The following EXT1 variants were observed in gnomAD, a reference collection of about 807,000 sequenced individuals.
EXT1 encodes exostosin-1.
A neutral mutation model predicts 82.5 loss-of-function variants in EXT1; 20 were observed. That is an observed-to-expected ratio of 0.24 (90% CI 0.17 to 0.35). The LOEUF is 0.35. Ranked by LOEUF, EXT1 falls within the 10% of genes least tolerant of loss-of-function variation. The probability of loss-of-function intolerance (pLI) is 1.00; values close to 1 mark genes in which losing one functional copy is unlikely to be tolerated. For synonymous variants in EXT1, 348 were observed against 350.8 expected, an observed-to-expected ratio of 0.99 and a Z score of 0.09; for missense variants, 757 against 936.5, an observed-to-expected ratio of 0.81 and a Z score of 2.50.
chr8:117,929,505 T>C (rs1002946836), intron 1 of EXT1, among the ~76,000 whole-genome samples: 2 of 152,014 alleles, frequency 1.3e-5, no homozygotes, highest in African/African-American at 4.8e-5. Context: ...AGACATGGAG[T>C]AGGAACTTAA....
At chr8:117,894,225 G>T (rs1203130722) in intron 1 of EXT1, among the ~76,000 whole-genome samples, 1 of 151,860 alleles carries the variant, frequency 6.6e-6, no homozygotes, top group Admixed American at 6.6e-5. Context: ...TTGTTGTTGA[G>T]ATGAGGTCTC....
At chr8:117,961,167 TTCTC>T (rs1179077458) in intron 1 of EXT1, among the ~76,000 whole-genome samples, 4 of 152,220 alleles carry the variant, frequency 2.6e-5, no homozygotes, top group South Asian at 4.2e-4. Context: ...CCTTCTGTCT[TTCTC>T]TCTCTTTCTT....
At chr8:117,919,206 G>A (rs62522270) in intron 1 of EXT1, among the ~76,000 whole-genome samples, 2 of 150,524 alleles carry the variant, frequency 1.3e-5, no homozygotes, top group Non-Finnish European at 3.0e-5. Context: ...TTTTTTTTTG[G>A]AGACAAGGTG....
Position 118,110,856 on chromosome 8 carries a change from G to T in EXT1, c.191C>A (p.Pro64His). 6.2e-7 allele frequency: 1 copy of T among 1,612,890 alleles called. No individual in the cohort carries two copies. Among genetic ancestry groups the T allele is most frequent in the Non-Finnish European group, 8.5e-7 (1 of 1,179,040 alleles). Residue 64 changes from proline to histidine, a missense_variant, in exon 1 of 11, where the codon CCC becomes CAC. This residue lies in a region of EXT1 where 175 missense variants were observed against 159.0 expected (regional missense o/e 1.10). Coordinates refer to ENST00000378204, the MANE Select transcript of EXT1 (RefSeq NM_000127.3). Reference protein sequence around the residue: ...FWPRFPDALRPFVPWDQLENE... With the variant: ...FWPRFPDALRHFVPWDQLENE... The stretch of plus-strand genomic sequence containing the variant: ...TTCCAATTGATCCCAAGGAACGAAG[G>T]GGCGCAGAGCGTCCGGGAAGCGGGG...
chr8:117,918,187 T>C (rs775924276), intron 1 of EXT1, among the ~76,000 whole-genome samples: 2 of 152,208 alleles, frequency 1.3e-5, no homozygotes, highest in Non-Finnish European at 2.9e-5. Flanking sequence ...TTCCCAGCAA[T>C]GTTACTTCAT....
chr8:118,054,912 C>T (rs142480590), intron 1 of EXT1, among the ~76,000 whole-genome samples: 5 of 152,180 alleles, frequency 3.3e-5, no homozygotes, highest in African/African-American at 4.8e-5. Flanking sequence ...TACTCCCACA[C>T]ATTAATGGGT....
At chr8:118,103,760 A>G (rs187084867) in intron 1 of EXT1, among the ~76,000 whole-genome samples, 1 of 152,284 alleles carries the variant, frequency 6.6e-6, no homozygotes, top group East Asian at 1.9e-4. Context: ...GAACCCTAGG[A>G]GAGAATTACA....
chr8:118,068,601 T>A (rs913529128), intron 1 of EXT1, among the ~76,000 whole-genome samples: 2 of 152,052 alleles, frequency 1.3e-5, no homozygotes, highest in Non-Finnish European at 2.9e-5. Flanking sequence ...TTAATCCCCA[T>A]GTTAAATAGT....
At chr8:118,105,010 G>C (rs1198481630) in intron 1 of EXT1, among the ~76,000 whole-genome samples, 1 of 152,294 alleles carries the variant, frequency 6.6e-6, no homozygotes, top group African/African-American at 2.4e-5. Flanking sequence ...CTGGGTTTTA[G>C]CCTCAATTCA....
chr8:117,857,612 G>T (rs1191942319), intron 1 of EXT1, among the ~76,000 whole-genome samples: 3 of 151,816 alleles, frequency 2.0e-5, no homozygotes, highest in Admixed American at 6.6e-5. Context: ...AGGCAGGAGG[G>T]TCACTTGAGA....
intron 1 of EXT1, among the ~76,000 whole-genome samples, chr8:117,930,251 C>G (rs1319098535): frequency 6.6e-6 from 1 of 152,098 alleles, no homozygotes; most frequent in Non-Finnish European, 1.5e-5. Context: ...ATATTCACAC[C>G]TCAAGAGGAA....
At chr8:117,909,968 G>A (rs186183447) in intron 1 of EXT1, among the ~76,000 whole-genome samples, 4 of 152,174 alleles carry the variant, frequency 2.6e-5, no homozygotes, top group East Asian at 1.9e-4. Context: ...GGGTTTCACC[G>A]TGTTGGCCAA....
chr8:117,873,391 G>C (rs1358685849), intron 1 of EXT1, among the ~76,000 whole-genome samples: 3 of 151,578 alleles, frequency 2.0e-5, no homozygotes, highest in Non-Finnish European at 2.9e-5. Context: ...AGTTGAGAGG[G>C]GTTAAGAAAA....
intron 1 of EXT1, among the ~76,000 whole-genome samples, chr8:117,844,847 G>T (rs914678806): frequency 6.6e-6 from 1 of 152,060 alleles, no homozygotes; most frequent in African/African-American, 2.4e-5. Flanking sequence ...GAAGGCACTC[G>T]CTATTTGGAG....
chr8:118,005,465 T>C (rs949121197), intron 1 of EXT1, among the ~76,000 whole-genome samples: 3 of 152,248 alleles, frequency 2.0e-5, no homozygotes, highest in Non-Finnish European at 2.9e-5. Flanking sequence ...CTATTTAGTA[T>C]ATGCCAGGCT....
At chr8:118,004,791 C>T (rs919139440) in intron 1 of EXT1, among the ~76,000 whole-genome samples, 1 of 151,898 alleles carries the variant, frequency 6.6e-6, no homozygotes, top group Non-Finnish European at 1.5e-5. Flanking sequence ...ATGCAAACTG[C>T]GTTATTGGTC....
At chr8:118,105,990 T>C (rs561337127) in intron 1 of EXT1, among the ~76,000 whole-genome samples, 1 of 152,194 alleles carries the variant, frequency 6.6e-6, no homozygotes, top group Non-Finnish European at 1.5e-5. Flanking sequence ...TAGGGCCAAA[T>C]TGAAAGGTTC....
Position 118,110,487 on chromosome 8 carries a change from C to T in EXT1, c.560G>A (p.Gly187Asp). 1.2e-6 allele frequency: 2 copies of T among 1,614,104 alleles called. No individual in the cohort carries two copies. The highest frequency in any genetic ancestry group is 1.1e-5 in the South Asian group (1 of 91,080). Residue 187 changes from glycine to aspartate, a missense_variant, in exon 1 of 11, where the codon GGT becomes GAT. Gly to Asp is a moderately conservative substitution (Grantham distance 94). This residue lies in a region of EXT1 where 247 missense variants were observed against 330.1 expected (regional missense o/e 0.75). Coordinates refer to ENST00000378204, the MANE Select transcript of EXT1 (RefSeq NM_000127.3). ...KVQSLHLWNNGRNHLIFNLYS... is the reference protein window; with the variant it reads ...KVQSLHLWNNDRNHLIFNLYS... ...TAAATTAAAAATTAAATGATTCCTA[C>T]CATTGTTCCACAAGTGGAGACTCTG...
intron 1 of EXT1, among the ~76,000 whole-genome samples, chr8:118,104,002 T>C (rs573044233): frequency 6.6e-6 from 1 of 152,356 alleles, no homozygotes; most frequent in East Asian, 1.9e-4. Context: ...CTCTGTTTGA[T>C]TCTTTAAGAT....
Sources: gnomAD v4.1 joint callset for allele counts (sites outside exome capture counted in the v4.1 genomes callset) on GRCh38, gnomAD v4.1.1 for gene constraint, gnomAD v4.1.1 regional missense constraint, MANE v1.5 for transcripts, NCBI Gene and HGNC (gene_info 2026-07-23, HGNC 2026-07-21) for gene names.